The following SLC4A10 variants were observed in gnomAD, a reference collection of about 807,000 sequenced individuals.
The protein encoded by SLC4A10 is sodium-driven chloride bicarbonate exchanger.
SLC4A10 carries 42 observed loss-of-function variants against 137.7 expected under a neutral mutation model. The observed-to-expected ratio is 0.30, with a 90% confidence interval of 0.24 to 0.39. The LOEUF (loss-of-function observed/expected upper bound fraction) is 0.39. SLC4A10 is among the 10% of genes least tolerant of loss of function. The pLI, the probability that SLC4A10 is intolerant of heterozygous loss-of-function variation, is 1.00. For synonymous variants in SLC4A10, 474 were observed against 464.1 expected (o/e 1.02, Z -0.27); for missense variants, 925 against 1,355.0 (o/e 0.68, Z 4.98).
At chr2:161,706,356 T>A (rs2043659785) in intron 1 of SLC4A10, among the ~76,000 whole-genome samples, 1 of 151,680 alleles carries the variant, frequency 6.6e-6, no homozygotes, top group Non-Finnish European at 1.5e-5. Flanking sequence ...AACTTTGATA[T>A]GTAATAGTAT....
intron 9 of SLC4A10, among the ~76,000 whole-genome samples, chr2:161,881,890 G>A (rs1488970045): frequency 1.3e-5 from 2 of 151,790 alleles, no homozygotes; most frequent in Non-Finnish European, 2.9e-5. Flanking sequence ...AATGAAAATT[G>A]CACATACACC....
At chr2:161,923,049 G>A (rs1437047050) in intron 15 of SLC4A10, among the ~76,000 whole-genome samples, 1 of 152,306 alleles carries the variant, frequency 6.6e-6, no homozygotes, top group East Asian at 1.9e-4. Context: ...ACCAAATTAT[G>A]TTTTCCAGAA....
At chr2:161,899,677 T>G (rs555029078) in intron 11 of SLC4A10, among the ~76,000 whole-genome samples, 1 of 152,244 alleles carries the variant, frequency 6.6e-6, no homozygotes, top group Non-Finnish European at 1.5e-5. Flanking sequence ...ATAATAATGC[T>G]TGCTTTCTGA....
intron 15 of SLC4A10, among the ~76,000 whole-genome samples, chr2:161,929,777 A>C (rs904763133): frequency 6.6e-6 from 1 of 152,134 alleles, no homozygotes; most frequent in Non-Finnish European, 1.5e-5. Flanking sequence ...TCTTCCTCAC[A>C]AAGTTGGAAG....
intron 1 of SLC4A10, among the ~76,000 whole-genome samples, chr2:161,650,410 C>T (rs2036623809): frequency 1.3e-5 from 2 of 152,228 alleles, no homozygotes; most frequent in African/African-American, 2.4e-5. Flanking sequence ...GCTGCAGCGG[C>T]GGAGGCCTGG....
chr2:161,878,141 A>T (rs965414198), intron 8 of SLC4A10, among the ~76,000 whole-genome samples: 3 of 152,128 alleles, frequency 2.0e-5, no homozygotes, highest in Non-Finnish European at 4.4e-5. Flanking sequence ...AGCCCCACTC[A>T]TATTTGCCAG....
intron 5 of SLC4A10, among the ~76,000 whole-genome samples, chr2:161,858,692 T>TG (rs1452267880): frequency 6.6e-6 from 1 of 152,196 alleles, no homozygotes; most frequent in African/African-American, 2.4e-5. Flanking sequence ...TAAAGATTAA[T>TG]GATGGAAATA....
intron 1 of SLC4A10, among the ~76,000 whole-genome samples, chr2:161,770,106 A>G (rs1257293957): frequency 6.6e-6 from 1 of 151,958 alleles, no homozygotes; most frequent in East Asian, 1.9e-4. Context: ...CACCTTTAGT[A>G]TATCTTTTTA....
chr2:161,829,045 C>A (rs1453915897), intron 3 of SLC4A10, among the ~76,000 whole-genome samples: 1 of 151,234 alleles, frequency 6.6e-6, no homozygotes, highest in South Asian at 2.1e-4. Context: ...TTTTCTTTTA[C>A]CATATAGTCA....
intron 1 of SLC4A10, among the ~76,000 whole-genome samples, chr2:161,626,863 G>A (rs1362870899): frequency 6.6e-6 from 1 of 152,078 alleles, no homozygotes; most frequent in South Asian, 2.1e-4. Flanking sequence ...CTGGGCTGAA[G>A]TTTTTACGCT....
intron 1 of SLC4A10, among the ~76,000 whole-genome samples, chr2:161,690,619 AG>A (rs1179929996): frequency 1.3e-5 from 2 of 152,234 alleles, no homozygotes; most frequent in East Asian, 3.8e-4. Context: ...AGCCATAAAA[AG>A]GAATGAGATC....
chr2:161,944,052 G>T (rs1300151596), intron 16 of SLC4A10, among the ~76,000 whole-genome samples: 1 of 151,654 alleles, frequency 6.6e-6, no homozygotes, highest in Non-Finnish European at 1.5e-5. Context: ...TAAGCCTTCA[G>T]TTACTCTTAT....
intron 1 of SLC4A10, among the ~76,000 whole-genome samples, chr2:161,702,357 A>G (rs2043213230): frequency 6.6e-6 from 1 of 151,946 alleles, no homozygotes; most frequent in African/African-American, 2.4e-5. Flanking sequence ...TATTATTTCA[A>G]TGGATTTTTT....
chr2:161,668,737 T>C (rs2039368734), intron 1 of SLC4A10, among the ~76,000 whole-genome samples: 1 of 151,926 alleles, frequency 6.6e-6, no homozygotes, highest in South Asian at 2.1e-4. Context: ...ACTTGATTTT[T>C]TTATTCCAAG....
chr2:161,637,167 A>G (rs1369885779), intron 1 of SLC4A10, among the ~76,000 whole-genome samples: 1 of 149,088 alleles, frequency 6.7e-6, no homozygotes, highest in Non-Finnish European at 1.5e-5. Context: ...ATACGTATAT[A>G]TACATATATA....
intron 4 of SLC4A10, among the ~76,000 whole-genome samples, chr2:161,852,247 G>A (rs960594468): frequency 6.6e-6 from 1 of 152,022 alleles, no homozygotes; most frequent in Admixed American, 6.6e-5. Flanking sequence ...AAAACTCTAG[G>A]TTTTCTTTAC....
At chr2:161,721,756 C>T (rs764941847) in intron 1 of SLC4A10, among the ~76,000 whole-genome samples, 22 of 152,192 alleles carry the variant, frequency 1.4e-4, no homozygotes, top group Non-Finnish European at 2.2e-4. Context: ...GGGAATTTCC[C>T]TCGGATGATA....
intron 1 of SLC4A10, among the ~76,000 whole-genome samples, chr2:161,716,920 T>C: frequency 6.6e-6 from 1 of 152,172 alleles, no homozygotes; most frequent in East Asian, 1.9e-4. Context: ...TTGATTCTTC[T>C]TATCCATGAG....
chr2:161,699,129 C>T (rs75076243), intron 1 of SLC4A10, among the ~76,000 whole-genome samples: 1 of 152,186 alleles, frequency 6.6e-6, no homozygotes, highest in Admixed American at 6.5e-5. Context: ...ATGCCATTCT[C>T]CTGTCTCAGC....
Sources: allele counts gnomAD v4.1 joint callset (sites outside exome capture counted in the v4.1 genomes callset), GRCh38; gene constraint gnomAD v4.1.1; transcripts MANE v1.5; gene names NCBI Gene and HGNC (gene_info 2026-07-23, HGNC 2026-07-21).